The following OR4K13 variants were observed in gnomAD, a reference collection of about 807,000 sequenced individuals.
The protein encoded by OR4K13 is olfactory receptor family 4 subfamily K member 13.
For synonymous variants in OR4K13, 160 were observed against 134.8 expected, an observed-to-expected ratio of 1.19 and a Z score of -1.30; for missense variants, 403 against 366.0, an observed-to-expected ratio of 1.10 and a Z score of -0.82.
rs371521381 is a variant in OR4K13, at chr14:20,030,052, T to C, written c.*3792A>G. ...AAGCCACCCTCAACAGGCTATTTGC[T>C]GTATGATTCTACCTATATGACAATC... On this transcript the variant is annotated 3_prime_UTR_variant, in exon 2 of 2. Coordinates refer to ENST00000641904, the MANE Select transcript of OR4K13 (RefSeq NM_001004714.2). The C allele has an allele frequency of 1.3e-5, 2 of 152,332 alleles. No individual in the cohort carries two copies. The highest frequency in any genetic ancestry group is 4.8e-5 in the African/African-American group (2 of 41,572). 9.4% of individuals were successfully genotyped at this position (152,332 alleles called of 1,614,324 possible).
In OR4K13 at chr14:20,033,749, C is replaced by T. The variant is rs1877479783; in HGVS notation, c.*95G>A. 1.4e-6 allele frequency: 1 copy of T among 700,886 alleles called. No individual in the cohort carries two copies. 43.4% of individuals were successfully genotyped at this position (700,886 alleles called of 1,614,324 possible). On this transcript the variant is annotated 3_prime_UTR_variant, in exon 2 of 2. Transcript: ENST00000641904. Reference sequence around the variant, plus strand: ...ATGGCAAAAACCGCAATGACTTTTGCACGAACCTGATACATTAAAAACGAG... The same window carrying T: ...ATGGCAAAAACCGCAATGACTTTTGTACGAACCTGATACATTAAAAACGAG...
Position 20,029,684 on chromosome 14 carries a change from G to A in OR4K13, c.*4160C>T, listed in dbSNP as rs1232958933. On this transcript the variant is annotated 3_prime_UTR_variant, in exon 2 of 2. Coordinates refer to ENST00000641904, the MANE Select transcript of OR4K13 (RefSeq NM_001004714.2). ...AGTGCCTGTAATCCCAGCATTTTGG[G>A]AGCCTGAGGTGGGTGGACCACTTGA... 1 of 152,190 alleles carries A rather than the reference G, an allele frequency of 6.6e-6. No homozygotes were observed. Among genetic ancestry groups the A allele is most frequent in the African/African-American group, 2.4e-5 (1 of 41,432 alleles). The allele number at this position is 152,190 out of a possible 1,614,324, so 9.4% of individuals were successfully genotyped here.
At position 20,033,702 on chromosome 14, in the gene OR4K13, T is replaced by C. The variant is rs1365488904; in HGVS notation, c.*142A>G. 3.6e-6 allele frequency: 2 copies of C among 562,834 alleles called. No individual in the cohort carries two copies. Among genetic ancestry groups the C allele is most frequent in the Non-Finnish European group, 6.3e-6 (2 of 319,122 alleles). 34.9% of individuals were successfully genotyped at this position (562,834 alleles called of 1,614,324 possible). On this transcript the variant is annotated 3_prime_UTR_variant, in exon 2 of 2. Transcript: ENST00000641904. ...AAGTTATAGTGGTTTTTGCCATTAC[T>C]TTAATTTTGTCATTTACTTTAATGG...
Position 20,034,597 on chromosome 14 carries a change from G to T in OR4K13, c.162C>A (p.Leu54=), listed in dbSNP as rs1438001822. Residue 54 remains leucine, a synonymous_variant, in exon 2 of 2, where the codon CTC becomes CTA. Coordinates refer to ENST00000641904, the MANE Select transcript of OR4K13 (RefSeq NM_001004714.2). ...LILVTVTFDS[L]LHTPMYFLLS... ...GCAGAAAATACATTGGTGTGTGAAGGAGCGAATCAAAGGTCACAGTCACCA... is the reference window on the plus strand; with the variant it reads ...GCAGAAAATACATTGGTGTGTGAAGTAGCGAATCAAAGGTCACAGTCACCA... 6.2e-7 allele frequency: 1 copy of T among 1,613,696 alleles called. No individual in the cohort carries two copies. The highest frequency in any genetic ancestry group is 8.5e-7 in the Non-Finnish European group (1 of 1,179,946).
chr14:20,034,332 C>A lies in OR4K13; in HGVS notation c.427G>T (p.Gly143Trp), dbSNP rs1445747750. The change falls in exon 2 of 2, where the codon GGG becomes TGG. Residue 143 changes from glycine (G) to tryptophan (W), a missense_variant. Coordinates refer to ENST00000641904, the MANE Select transcript of OR4K13 (RefSeq NM_001004714.2). ...MTIMSPRVLTGLLLSSYAVGF... is the reference protein window; with the variant it reads ...MTIMSPRVLTWLLLSSYAVGF... ...ACTGCATAGGAGGATAACAGTAGCC[C>A]AGTGAGCACCCGTGGGCTCATGATG... 6.2e-7 allele frequency: 1 copy of A among 1,613,978 alleles called. No homozygotes were observed. The highest frequency in any genetic ancestry group is 1.3e-5 in the African/African-American group (1 of 75,002).
chr14:20,034,544 A>G lies in OR4K13; in HGVS notation c.215T>C (p.Ile72Thr), dbSNP rs1441189283. ...LLSNLSCIDM[I>T]LASFATPKMI... is the part of the protein sequence containing the mutation. Reference sequence around the variant, plus strand: ...CTTAGGGGTAGCAAAAGAAGCCAGGATCATATCAATGCAGGAGAGGTTGCT... The same window carrying G: ...CTTAGGGGTAGCAAAAGAAGCCAGGGTCATATCAATGCAGGAGAGGTTGCT... The change falls in exon 2 of 2, where the codon ATC becomes ACC. Residue 72 changes from isoleucine to threonine, a missense_variant. Coordinates refer to ENST00000641904, the MANE Select transcript of OR4K13 (RefSeq NM_001004714.2). The G allele has an allele frequency of 1.1e-5, 18 of 1,614,038 alleles. No homozygotes were observed. The highest frequency in any genetic ancestry group is 1.4e-5 in the Non-Finnish European group (16 of 1,179,988).
chr14:20,034,597 G>C lies in OR4K13; in HGVS notation c.162C>G (p.Leu54=). The C allele has an allele frequency of 6.2e-7, 1 of 1,613,814 alleles. No homozygotes were observed. The highest frequency in any genetic ancestry group is 1.1e-5 in the South Asian group (1 of 91,020). ...LILVTVTFDS[L]LHTPMYFLLS... Reference sequence around the variant, plus strand: ...GCAGAAAATACATTGGTGTGTGAAGGAGCGAATCAAAGGTCACAGTCACCA... The same window carrying C: ...GCAGAAAATACATTGGTGTGTGAAGCAGCGAATCAAAGGTCACAGTCACCA... Residue 54 remains leucine, a synonymous_variant, in exon 2 of 2, where the codon CTC becomes CTG. Transcript: ENST00000641904.
rs1250023130 is a variant in OR4K13, at chr14:20,030,404, C to T, written c.*3440G>A. ...TAAATTGCTATAAAAGCTCACAAAACCATACACTAAAGAGTCATTTTTTCT... is the reference window on the plus strand; with the variant it reads ...TAAATTGCTATAAAAGCTCACAAAATCATACACTAAAGAGTCATTTTTTCT... On this transcript the variant is annotated 3_prime_UTR_variant, in exon 2 of 2. Transcript: ENST00000641904. 1 of 151,668 alleles carries T rather than the reference C, an allele frequency of 6.6e-6. No homozygotes were observed. Among genetic ancestry groups the T allele is most frequent in the Non-Finnish European group, 1.5e-5 (1 of 67,894 alleles). 9.4% of individuals were successfully genotyped at this position (151,668 alleles called of 1,614,324 possible).
rs576308114 is a variant in OR4K13, at chr14:20,033,677, A to C, written c.*167T>G. Reference sequence around the variant, plus strand: ...GAACTTGAACTGTTAGCTGGTACACAAGTTATAGTGGTTTTTGCCATTACT... The same window carrying C: ...GAACTTGAACTGTTAGCTGGTACACCAGTTATAGTGGTTTTTGCCATTACT... On this transcript the variant is annotated 3_prime_UTR_variant, in exon 2 of 2. Coordinates refer to ENST00000641904, the MANE Select transcript of OR4K13 (RefSeq NM_001004714.2). The C allele has an allele frequency of 4.8e-5, 25 of 515,892 alleles. No homozygotes were observed. In the South Asian group the frequency reaches 5.5e-4, roughly 11 times the overall value. 32.0% of individuals were successfully genotyped at this position (515,892 alleles called of 1,614,324 possible).
Position 20,034,936 on chromosome 14 carries a change from C to A in OR4K13, c.-178G>T. 1.7e-6 allele frequency: 1 copy of A among 583,820 alleles called. No homozygotes were observed. 36.2% of individuals were successfully genotyped at this position (583,820 alleles called of 1,614,324 possible). A position where few individuals can be genotyped will look rare whatever the true frequency, so the allele number is the denominator to read the frequency against. On this transcript the variant is annotated 5_prime_UTR_variant, in exon 2 of 2. Transcript: ENST00000641904. ...GTCAGTCAGTGATTTTACTAATGGC[C>A]CAGAGAAGTATCCCAAATAGTCAGT...
chr14:20,034,061 G>A lies in OR4K13; in HGVS notation c.698C>T (p.Ser233Phe). The A allele has an allele frequency of 6.2e-7, 1 of 1,614,056 alleles. No individual in the cohort carries two copies. The change falls in exon 2 of 2, where the codon TCC (serine) becomes TTC (phenylalanine). Residue 233 changes from serine to phenylalanine, a missense_variant. Coordinates refer to ENST00000641904, the MANE Select transcript of OR4K13 (RefSeq NM_001004714.2). ...FSVRYRAASR[S>F]SKAFSTLSAH... ...TGAGAGAGTGGAGAAAGCCTTAGAG[G>A]ATCGACTAGCAGCACGGTACCTAAC...
In OR4K13 at chr14:20,034,494, G is replaced by A. The variant is rs149397731; in HGVS notation, c.265C>T (p.Arg89Cys). 38 of 1,613,834 alleles carry A rather than the reference G, an allele frequency of 2.4e-5. No homozygotes were observed. The highest frequency in any genetic ancestry group is 2.3e-4 in the African/African-American group (17 of 74,866). The stretch of plus-strand genomic sequence containing the variant: ...CATCCCCACCATGAGATGGTCTTAC[G>A]TTCTCGGAGGAAATCTACAATCATC... ...PKMIVDFLRE[R>C]KTISWWGCYS... The change falls in exon 2 of 2, where the codon CGT (arginine) becomes TGT (cysteine). Residue 89 changes from arginine (R) to cysteine (C), a missense_variant. Transcript: ENST00000641904.
Position 20,032,819 on chromosome 14 carries a change from G to A in OR4K13, c.*1025C>T, listed in dbSNP as rs1054142209. The A allele has an allele frequency of 3.3e-5, 5 of 152,168 alleles. No individual in the cohort carries two copies. The highest frequency in any genetic ancestry group is 9.7e-5 in the African/African-American group (4 of 41,436). 9.4% of individuals were successfully genotyped at this position (152,168 alleles called of 1,614,324 possible). A position where few individuals can be genotyped will look rare whatever the true frequency, so the allele number is the denominator to read the frequency against. On this transcript the variant is annotated 3_prime_UTR_variant, in exon 2 of 2. Transcript: ENST00000641904. The stretch of plus-strand genomic sequence containing the variant: ...GCATGACACAGTTTTGAATTCCAAA[G>A]AGTGTCCTATATTTTCTATTATATG...
Position 20,034,724 on chromosome 14 carries a change from A to C in OR4K13, c.35T>G (p.Phe12Cys). Residue 12 changes from phenylalanine to cysteine, a missense_variant, in exon 2 of 2, where the codon TTT becomes TGT. By Grantham distance (205) the Phe-to-Cys change is radical. Transcript: ENST00000641904. ...ERANHSVVSE[F>C]ILLGLSKSQN... ...AGATTTGGAAAGTCCCAACAAAATAAATTCCGATACCACTGAATGGTTTGC... is the reference window on the plus strand; with the variant it reads ...AGATTTGGAAAGTCCCAACAAAATACATTCCGATACCACTGAATGGTTTGC... 6.2e-7 allele frequency: 1 copy of C among 1,611,406 alleles called. No homozygotes were observed. Among genetic ancestry groups the C allele is most frequent in the Non-Finnish European group, 8.5e-7 (1 of 1,179,106 alleles).
rs1287709883 is a variant in OR4K13, at chr14:20,032,520, C to G, written c.*1324G>C. On this transcript the variant is annotated 3_prime_UTR_variant, in exon 2 of 2. Transcript: ENST00000641904. ...GTCTCTGGAATGGCTTTTCTGGATA[C>G]TAGGTATAATATATCCAATAAAAGG... is the stretch of plus-strand genomic sequence containing the variant. 1 of 152,256 alleles carries G rather than the reference C, an allele frequency of 6.6e-6. No homozygotes were observed. 9.4% of individuals were successfully genotyped at this position (152,256 alleles called of 1,614,324 possible).
rs144683363 is a variant in OR4K13, at chr14:20,034,620, C to T, written c.139G>A (p.Val47Met). Residue 47 changes from valine to methionine, a missense_variant, in exon 2 of 2, where the codon GTG (valine) becomes ATG (methionine). Transcript: ENST00000641904. ...AGGAGCGAATCAAAGGTCACAGTCA[C>T]CAAGATGAGCAGGTTTCCTAACACA... is the stretch of plus-strand genomic sequence containing the variant. ...GIVLGNLLIL[V>M]TVTFDSLLHT... The T allele has an allele frequency of 2.3e-3, 3,770 of 1,613,818 alleles. 85 individuals are homozygous for T. The African/African-American group carries it at 0.044, about 19-fold the overall frequency.
chr14:20,031,115 G>T lies in OR4K13; in HGVS notation c.*2729C>A, dbSNP rs142287136. 109 of 152,350 alleles carry T rather than the reference G, an allele frequency of 7.2e-4. No individual in the cohort carries two copies. Among genetic ancestry groups the T allele is most frequent in the Middle Eastern group, 3.4e-3 (1 of 294 alleles). The allele number at this position is 152,350 out of a possible 1,614,324, so 9.4% of individuals were successfully genotyped here. A position where few individuals can be genotyped will look rare whatever the true frequency, so the allele number is the denominator to read the frequency against. ...TGAGGTGTTAACAAATTTGCCCATGGAAAACAGGTGCTACCCCTTAACTGG... is the reference window on the plus strand; with the variant it reads ...TGAGGTGTTAACAAATTTGCCCATGTAAAACAGGTGCTACCCCTTAACTGG... On this transcript the variant is annotated 3_prime_UTR_variant, in exon 2 of 2. Transcript: ENST00000641904.
At chr14:20,035,763 C>G (rs1024860937) in intron 1 of OR4K13, 175 bp downstream of exon 1, 5 of 152,038 alleles carry the variant, frequency 3.3e-5, no homozygotes, top group Non-Finnish European at 5.9e-5. Context: ...TCAGTATAAT[C>G]TAAATTTATG....
Position 20,034,815 on chromosome 14 carries a change from G to T in OR4K13, c.-57C>A, listed in dbSNP as rs1877528874. ...AAGTGAGAATAAGGGGTAGGGAAAT[G>T]ATGCATATTGGAAAGAAATGTTCAT... On this transcript the variant is annotated 5_prime_UTR_variant, in exon 2 of 2. An upstream open reading frame in the 5' UTR gains an earlier in-frame stop. Transcript: ENST00000641904. The T allele has an allele frequency of 2.9e-6, 4 of 1,356,152 alleles. No individual in the cohort carries two copies. Among genetic ancestry groups the T allele is most frequent in the East Asian group, 2.3e-5 (1 of 43,226 alleles). The allele number at this position is 1,356,152 out of a possible 1,614,324, so 84.0% of individuals were successfully genotyped here. A position where few individuals can be genotyped will look rare whatever the true frequency, so the allele number is the denominator to read the frequency against.
Sources: allele counts gnomAD v4.1 joint callset, GRCh38; gene constraint gnomAD v4.1.1; transcripts MANE v1.5; gene names NCBI Gene and HGNC (gene_info 2026-07-23, HGNC 2026-07-21).